The following SEMA5A variants were observed in gnomAD, a reference collection of about 807,000 sequenced individuals.
SEMA5A encodes the protein semaphorin-5A.
A neutral mutation model predicts 135.5 loss-of-function variants in SEMA5A; 55 were observed. The ratio of observed to expected loss-of-function variants is 0.41; its 90% CI spans 0.33 to 0.51. The LOEUF (loss-of-function observed/expected upper bound fraction) is 0.51, where lower values mean the gene tolerates loss of function less well. Ranked by LOEUF, SEMA5A falls within the 20% of genes least tolerant of loss-of-function variation. SEMA5A has a pLI of 0.37. For missense variants in SEMA5A, 1,290 were observed against 1,419.9 expected (o/e 0.91, Z 1.47); for synonymous variants, 580 against 546.5 (o/e 1.06, Z -0.85).
At chr5:9,306,630 C>T (rs1247152367) in intron 5 of SEMA5A, among the ~76,000 whole-genome samples, 1 of 152,086 alleles carries the variant, frequency 6.6e-6, no homozygotes, top group Non-Finnish European at 1.5e-5. Context: ...ACTGTATCAT[C>T]TGTCACTTTC....
intron 1 of SEMA5A, among the ~76,000 whole-genome samples, chr5:9,471,959 C>A (rs1759492713): frequency 6.6e-6 from 1 of 152,218 alleles, no homozygotes; most frequent in South Asian, 2.1e-4. Context: ...ATGCTTTATA[C>A]AGTGTAAGAT....
chr5:9,088,593 C>T (rs1037074756), intron 16 of SEMA5A, among the ~76,000 whole-genome samples: 2 of 145,460 alleles, frequency 1.4e-5, no homozygotes, highest in African/African-American at 5.1e-5. Context: ...AGAATTTACA[C>T]AGGCAGACAA....
intron 3 of SEMA5A, among the ~76,000 whole-genome samples, chr5:9,354,783 G>T (rs1754370514): frequency 6.6e-6 from 1 of 152,178 alleles, no homozygotes; most frequent in African/African-American, 2.4e-5. Context: ...GAGTCTGTGA[G>T]GAAGGCCAGT....
intron 11 of SEMA5A, among the ~76,000 whole-genome samples, chr5:9,156,966 T>C (rs963276160): frequency 2.0e-5 from 3 of 152,250 alleles, no homozygotes; most frequent in African/African-American, 7.2e-5. Context: ...AAACTTTTAC[T>C]GCATATTTCT....
chr5:9,164,063 ATT>A (rs1440729455), intron 11 of SEMA5A, among the ~76,000 whole-genome samples: 1 of 140,384 alleles, frequency 7.1e-6, no homozygotes, highest in African/African-American at 2.6e-5. Context: ...TAATATAAAT[ATT>A]TATATAATTT....
intron 12 of SEMA5A, among the ~76,000 whole-genome samples, chr5:9,154,062 A>AAAATATAT (rs1159261162): frequency 4.4e-5 from 3 of 68,294 alleles, no homozygotes; most frequent in South Asian, 5.2e-4. Context: ...AAAAAAAAAA[A>AAAATATAT]ATATATATAT....
intron 1 of SEMA5A, among the ~76,000 whole-genome samples, chr5:9,543,739 T>C (rs1738219734): frequency 6.6e-6 from 1 of 152,060 alleles, no homozygotes; most frequent in Non-Finnish European, 1.5e-5. Flanking sequence ...ATGAGCAAGC[T>C]TCTATCTCCA....
At chr5:9,106,070 A>G (rs1050750793) in intron 16 of SEMA5A, among the ~76,000 whole-genome samples, 2 of 152,216 alleles carry the variant, frequency 1.3e-5, no homozygotes, top group African/African-American at 4.8e-5. Context: ...ACGTCAGAAG[A>G]AAAATATACT....
chr5:9,279,341 C>A (rs200434233), intron 5 of SEMA5A, among the ~76,000 whole-genome samples: 1 of 152,198 alleles, frequency 6.6e-6, no homozygotes, highest in East Asian at 1.9e-4. Flanking sequence ...TGCCCAATGC[C>A]TGTACCCCTA....
At chr5:9,314,724 G>T (rs1450767185) in intron 5 of SEMA5A, among the ~76,000 whole-genome samples, 1 of 151,946 alleles carries the variant, frequency 6.6e-6, no homozygotes, top group Non-Finnish European at 1.5e-5. Context: ...GTCATGAATT[G>T]CCAGCCTTCT....
chr5:9,045,533 G>A (rs1460552798), intron 21 of SEMA5A, among the ~76,000 whole-genome samples: 10 of 152,282 alleles, frequency 6.6e-5, no homozygotes, highest in African/African-American at 2.4e-4. Context: ...TATACCTAGA[G>A]GTAACTATTA....
intron 3 of SEMA5A, among the ~76,000 whole-genome samples, chr5:9,360,654 C>A (rs1192582601): frequency 6.6e-6 from 1 of 152,098 alleles, no homozygotes; most frequent in East Asian, 1.9e-4. Flanking sequence ...TGGGTGCATA[C>A]AATATTCTCG....
intron 8 of SEMA5A, among the ~76,000 whole-genome samples, chr5:9,221,315 T>G (rs1746946907): frequency 6.7e-6 from 1 of 148,198 alleles, no homozygotes; most frequent in African/African-American, 2.5e-5. Flanking sequence ...TTTTTTTTTT[T>G]TTTTTGAGAC....
chr5:9,152,289 G>C (rs757691857), intron 12 of SEMA5A, among the ~76,000 whole-genome samples: 1 of 152,110 alleles, frequency 6.6e-6, no homozygotes, highest in Non-Finnish European at 1.5e-5. Flanking sequence ...TGTCCTTCTA[G>C]ATATATTCCA....
chr5:9,061,593 G>A (rs1737185992), intron 18 of SEMA5A, among the ~76,000 whole-genome samples: 1 of 152,170 alleles, frequency 6.6e-6, no homozygotes, highest in Non-Finnish European at 1.5e-5. Flanking sequence ...TAGGGACCCT[G>A]AGCTGCGGCA....
intron 3 of SEMA5A, among the ~76,000 whole-genome samples, chr5:9,372,990 C>A (rs1755208026): frequency 6.6e-6 from 1 of 152,058 alleles, no homozygotes; most frequent in African/African-American, 2.4e-5. Flanking sequence ...GGAAGAGTGA[C>A]AGGAGGCCAG....
Position 9,224,789 on chromosome 5 carries a change from C to A in SEMA5A, c.531G>T (p.Gly177=), listed in dbSNP as rs183868484. The change falls in exon 8 of 23, where the codon GGG becomes GGT. Residue 177 remains glycine, a synonymous_variant. Transcript: ENST00000382496. ...HNSTALLTAG[G]ELYAATAMDF... Reference sequence around the variant, plus strand: ...CCATGGCTGTAGCAGCATAGAGCTCCCCACCAGCTGTGAGGAGCGCTGTGG... The same window carrying A: ...CCATGGCTGTAGCAGCATAGAGCTCACCACCAGCTGTGAGGAGCGCTGTGG... The A allele has an allele frequency of 9.3e-6, 15 of 1,614,108 alleles. No individual in the cohort carries two copies. In the African/African-American group the frequency reaches 1.9e-4, roughly 20 times the overall value.
intron 4 of SEMA5A, among the ~76,000 whole-genome samples, chr5:9,326,174 A>G (rs1752862844): frequency 6.6e-6 from 1 of 152,172 alleles, no homozygotes; most frequent in African/African-American, 2.4e-5. Context: ...GTCAACATCT[A>G]ACTGGCACAG....
rs1190648978 is a variant in SEMA5A at position 9,382,755 on chromosome 5, T to C, written c.-77-2732A>G. On this transcript the variant is annotated intron_variant, in intron 2 of 22. Coordinates refer to ENST00000382496, the MANE Select transcript of SEMA5A (RefSeq NM_003966.3). Reference sequence around the variant, plus strand: ...GAATTTGCAAAGGAACCAAGAAGCATGAGGTAAGGCCTATTGCATCGATAA... The same window carrying C: ...GAATTTGCAAAGGAACCAAGAAGCACGAGGTAAGGCCTATTGCATCGATAA... 2.0e-5 allele frequency among the ~76,000 whole-genome samples: 3 copies of C among 152,140 alleles called. No homozygotes were observed. The East Asian group carries it at 5.8e-4, about 29-fold the overall frequency.
Sources: gnomAD v4.1 joint callset for allele counts (sites outside exome capture counted in the v4.1 genomes callset) on GRCh38, gnomAD v4.1.1 for gene constraint, MANE v1.5 for transcripts, NCBI Gene and HGNC (gene_info 2026-07-23, HGNC 2026-07-21) for gene names.